SATB1: variants seen among roughly 807,000 people sequenced by gnomAD.
SATB1 encodes the protein SATB homeobox 1.
Under a neutral mutation model 86.9 loss-of-function variants are expected in SATB1, and 11 were observed. The ratio of observed to expected loss-of-function variants is 0.13; its 90% CI spans 0.08 to 0.21. The LOEUF is 0.21. Among genes scored for constraint, SATB1 ranks in the 10% least tolerant of loss-of-function variants. SATB1 has a pLI of 1.00. For synonymous variants in SATB1, 357 were observed against 357.2 expected, an observed-to-expected ratio of 1.00 and a Z score of 0.01; for missense variants, 551 against 937.6, an observed-to-expected ratio of 0.59 and a Z score of 5.39.
At chr3:18,441,585 A>G (rs576570807), upstream of SATB1, among the ~76,000 whole-genome samples, 5 of 152,300 alleles carry the variant, frequency 3.3e-5, no homozygotes, top group South Asian at 8.3e-4. Context: ...TGTAAAGGGC[A>G]TATCTATGTA....
chr3:18,421,677 A>C (rs181321670), intron 1 of SATB1, among the ~76,000 whole-genome samples: 1 of 152,334 alleles, frequency 6.6e-6, no homozygotes, highest in African/African-American at 2.4e-5. Context: ...AACAGGAAGA[A>C]GTGAAGGGTT....
chr3:18,393,742 T>C (rs886783251), intron 7 of SATB1, among the ~76,000 whole-genome samples: 1 of 152,184 alleles, frequency 6.6e-6, no homozygotes, highest in Non-Finnish European at 1.5e-5. Flanking sequence ...ATTTATAGTC[T>C]ATGGCTGCTT....
At chr3:18,397,485 C>A (rs1697023249) in intron 5 of SATB1, among the ~76,000 whole-genome samples, 195 bp from the exon 6 acceptor site, 1 of 152,008 alleles carries the variant, frequency 6.6e-6, no homozygotes, top group Non-Finnish European at 1.5e-5. Flanking sequence ...AAGTAGAAAG[C>A]AACAGCCCAC....
intron 9 of SATB1, among the ~76,000 whole-genome samples, chr3:18,357,976 GT>G (rs980838354): frequency 9.9e-5 from 15 of 151,914 alleles, no homozygotes; most frequent in Non-Finnish European, 4.4e-5. Context: ...ACACTGTGCA[GT>G]GAGAAACAGT....
upstream of SATB1, among the ~76,000 whole-genome samples, chr3:18,427,997 ACTG>A (rs1382797264): frequency 2.6e-5 from 4 of 152,250 alleles, no homozygotes; most frequent in Non-Finnish European, 5.9e-5. Context: ...ATTATAAGCC[ACTG>A]AGTATTGGCC....
intron 5 of SATB1, among the ~76,000 whole-genome samples, chr3:18,406,796 T>C (rs1268821647): frequency 6.6e-6 from 1 of 152,008 alleles, no homozygotes; most frequent in Non-Finnish European, 1.5e-5. Flanking sequence ...GAATTAAGTA[T>C]AATAGGAAAA....
intron 4 of SATB1, among the ~76,000 whole-genome samples, chr3:18,415,548 T>C (rs1052708775): frequency 6.6e-6 from 1 of 151,214 alleles, no homozygotes; most frequent in Admixed American, 6.6e-5. Flanking sequence ...TTTAATGTAT[T>C]AACCGATTTC....
At chr3:18,384,089 A>T (rs1559419559) in intron 8 of SATB1, among the ~76,000 whole-genome samples, 2 of 152,320 alleles carry the variant, frequency 1.3e-5, no homozygotes, top group South Asian at 4.1e-4. Context: ...GTATATTTTC[A>T]TCATTGGCTG....
At chr3:18,402,643 G>A (rs914750633) in intron 5 of SATB1, among the ~76,000 whole-genome samples, 1 of 152,222 alleles carries the variant, frequency 6.6e-6, no homozygotes, top group Middle Eastern at 3.4e-3. Flanking sequence ...CCGGAAGCCA[G>A]CAGCTTCCTA....
intron 5 of SATB1, among the ~76,000 whole-genome samples, chr3:18,412,264 G>A (rs1697888852): frequency 6.6e-6 from 1 of 152,044 alleles, no homozygotes; most frequent in Non-Finnish European, 1.5e-5. Context: ...CTGGTTCTAA[G>A]AATCCAAGTC....
At chr3:18,402,318 T>C (rs531711982) in intron 5 of SATB1, among the ~76,000 whole-genome samples, 92 of 152,092 alleles carry the variant, frequency 6.0e-4, no homozygotes, top group Non-Finnish European at 1.1e-3. Context: ...TAAAATTGCT[T>C]TGTTGTGTCT....
intron 5 of SATB1, among the ~76,000 whole-genome samples, chr3:18,404,362 G>A (rs1697416397): frequency 6.6e-6 from 1 of 152,014 alleles, no homozygotes; most frequent in Admixed American, 6.6e-5. Context: ...GTTGAGAAGA[G>A]ACTAATCACT....
At chr3:18,400,253 G>A (rs186049749) in intron 5 of SATB1, among the ~76,000 whole-genome samples, 1 of 152,236 alleles carries the variant, frequency 6.6e-6, no homozygotes, top group East Asian at 1.9e-4. Context: ...TAAAAAGATT[G>A]CACTAAGCTG....
rs1226681565 is a variant in SATB1, at chr3:18,444,503, A to G, written c.-25+1015T>C. On this transcript the variant is annotated intron_variant, in intron 1 of 3. Transcript: ENST00000415069. The surrounding 1 kb of genome is among the most constrained non-coding windows in gnomAD (Gnocchi z 5.1). Reference sequence around the variant, plus strand: ...CCAGCCGCCCCAATAGGGGACGAGGAGTGGGTGCTACGGAGAAGTTTGGAT... The same window carrying G: ...CCAGCCGCCCCAATAGGGGACGAGGGGTGGGTGCTACGGAGAAGTTTGGAT... 1 of 827,812 alleles carries G rather than the reference A, an allele frequency of 1.2e-6. No homozygotes were observed. The highest frequency in any genetic ancestry group is 1.5e-6 in the Non-Finnish European group (1 of 686,172). 51.3% of individuals were successfully genotyped at this position (827,812 alleles called of 1,614,324 possible).
chr3:18,425,363 A>C (rs1330813890), upstream of SATB1: 526 of 148,806 alleles, frequency 3.5e-3, 8 homozygotes, highest in South Asian at 0.01. Flanking sequence ...GCGGCGGCGG[A>C]GGAGGAGGAG....
chr3:18,377,925 T>C (rs988078322), intron 9 of SATB1, among the ~76,000 whole-genome samples: 1 of 152,156 alleles, frequency 6.6e-6, no homozygotes, highest in Non-Finnish European at 1.5e-5. Context: ...CTTCTCAAAA[T>C]ACCTATTAAC....
intron 8 of SATB1, among the ~76,000 whole-genome samples, chr3:18,381,064 G>A (rs1055038917): frequency 2.6e-5 from 4 of 152,288 alleles, no homozygotes; most frequent in African/African-American, 7.2e-5. Flanking sequence ...TTATTAAGGC[G>A]GCGCCGGGGA....
chr3:18,394,528 G>A lies in SATB1; in HGVS notation c.1140C>T (p.Arg380=), dbSNP rs1336115207. 1.1e-5 allele frequency: 17 copies of A among 1,614,012 alleles called. No individual in the cohort carries two copies. Among genetic ancestry groups the A allele is most frequent in the Admixed American group, 1.7e-5 (1 of 59,974 alleles). Reference sequence around the variant, plus strand: ...AGATTCCTGCTCGTTTCAGTTCATCGCGTACCCACTGGTAGATTTCGGAAG... The same window carrying A: ...AGATTCCTGCTCGTTTCAGTTCATCACGTACCCACTGGTAGATTTCGGAAG... ...EVSSEIYQWV[R]DELKRAGISQ... The change falls in exon 7 of 11, where the codon CGC becomes CGT. Residue 380 remains arginine, a synonymous_variant. Coordinates refer to ENST00000338745, the MANE Select transcript of SATB1 (RefSeq NM_002971.6). The surrounding 1 kb of genome is among the most constrained non-coding windows in gnomAD (Gnocchi z 5.9).
intron 1 of SATB1, among the ~76,000 whole-genome samples, chr3:18,437,309 GA>G (rs537962568): frequency 2.7e-4 from 40 of 149,414 alleles, no homozygotes; most frequent in East Asian, 5.9e-4. Context: ...ACACTGGAAA[GA>G]AAAAAAAACA....
Sources: allele counts gnomAD v4.1 joint callset (sites outside exome capture counted in the v4.1 genomes callset), GRCh38; gene constraint gnomAD v4.1.1; non-coding constraint Gnocchi (gnomAD v3.1); transcripts MANE v1.5; gene names NCBI Gene and HGNC (gene_info 2026-07-23, HGNC 2026-07-21).